LOC400499: variants seen among roughly 807,000 people sequenced by gnomAD.
At chr16:11,483,800 G>T in the LOC400499 span, among the ~76,000 whole-genome samples, 1 of 151,758 alleles carries the variant, frequency 6.6e-6, no homozygotes, top group East Asian at 2.0e-4. Flanking sequence ...GTTTGAGCCT[G>T]GGGGGCAAAG....
the LOC400499 span, among the ~76,000 whole-genome samples, chr16:11,422,153 C>A: frequency 6.6e-6 from 1 of 152,188 alleles, no homozygotes; most frequent in Non-Finnish European, 1.5e-5. Flanking sequence ...GTAATCCCAG[C>A]ACTTTGGGAG....
chr16:11,488,261 G>A, the LOC400499 span, among the ~76,000 whole-genome samples: 1 of 151,922 alleles, frequency 6.6e-6, no homozygotes, highest in African/African-American at 2.4e-5. Flanking sequence ...AAAATATAAG[G>A]TACAAACAGC....
At chr16:11,507,135 G>C in the LOC400499 span, among the ~76,000 whole-genome samples, 1 of 152,188 alleles carries the variant, frequency 6.6e-6, no homozygotes, top group East Asian at 1.9e-4. Context: ...TAGGTGGTCA[G>C]GGGTCCTCTT....
the LOC400499 span, among the ~76,000 whole-genome samples, chr16:11,474,928 T>A: frequency 1.4e-3 from 208 of 152,288 alleles, no homozygotes; most frequent in Non-Finnish European, 2.0e-3. Flanking sequence ...AAAATTAAGC[T>A]GGAAGCTGAG....
the LOC400499 span, among the ~76,000 whole-genome samples, chr16:11,438,900 G>C: frequency 2.6e-5 from 4 of 152,200 alleles, no homozygotes; most frequent in African/African-American, 7.2e-5. Context: ...TTTAAAACCA[G>C]CCTGGGCAAC....
chr16:11,515,761 A>AGGAAAAGGGAGGAGGAGGT, the LOC400499 span, among the ~76,000 whole-genome samples: 1 of 147,254 alleles, frequency 6.8e-6, no homozygotes, highest in Admixed American at 6.8e-5. Context: ...GAGGAGGAGG[A>AGGAAAAGGGAGGAGGAGGT]GAAAAAGGGA....
chr16:11,381,810 C>T, the LOC400499 span, among the ~76,000 whole-genome samples: 14 of 152,170 alleles, frequency 9.2e-5, no homozygotes, highest in African/African-American at 3.4e-4. Context: ...TCTTTCCACC[C>T]TCTTCCTTAG....
the LOC400499 span, among the ~76,000 whole-genome samples, chr16:11,445,099 A>T: frequency 6.6e-6 from 1 of 151,020 alleles, no homozygotes; most frequent in Admixed American, 6.6e-5. Flanking sequence ...TAAAAAAAAA[A>T]AAAAGAACTG....
At chr16:11,407,983 T>C in the LOC400499 span, among the ~76,000 whole-genome samples, 1 of 141,396 alleles carries the variant, frequency 7.1e-6, no homozygotes, top group Non-Finnish European at 1.5e-5. Context: ...TTTTTTTTTT[T>C]TTTTTTTTTT....
chr16:11,443,652 T>C, the LOC400499 span, among the ~76,000 whole-genome samples: 2 of 152,010 alleles, frequency 1.3e-5, no homozygotes, highest in African/African-American at 4.8e-5. Flanking sequence ...CAACGCTACA[T>C]TGTAATCGTC....
the LOC400499 span, among the ~76,000 whole-genome samples, chr16:11,373,131 A>G: frequency 6.6e-6 from 1 of 152,182 alleles, no homozygotes. Flanking sequence ...GATGCATCCA[A>G]CCCAAAGTGT....
chr16:11,470,178 G>A, the LOC400499 span, among the ~76,000 whole-genome samples: 29 of 152,282 alleles, frequency 1.9e-4, no homozygotes, highest in East Asian at 5.0e-3. Context: ...CTCCCAAACT[G>A]CTGGGATTAC....
chr16:11,476,268 A>G, the LOC400499 span, among the ~76,000 whole-genome samples: 1 of 151,988 alleles, frequency 6.6e-6, no homozygotes, highest in Non-Finnish European at 1.5e-5. Context: ...TAGGTGGGGC[A>G]GCCTGGATTC....
chr16:11,385,468 G>A, the LOC400499 span: 22 of 1,168,710 alleles, frequency 1.9e-5, no homozygotes, highest in East Asian at 2.9e-4. Flanking sequence ...TCCACCCACC[G>A]CAGTAGGAGC....
At chr16:11,515,890 AGCCTAGCCCAGCCCAGCCCAGCCT>A in the LOC400499 span, 13 of 16,790 alleles carry the variant, frequency 7.7e-4, no homozygotes, top group Admixed American at 2.9e-3. Flanking sequence ...AGCCCAGCCC[AGCCTAGCCCAGCCCAGCCCAGCCT>A]AGCCCAGCAC....
the LOC400499 span, among the ~76,000 whole-genome samples, chr16:11,423,734 G>A: frequency 1.3e-5 from 2 of 152,222 alleles, no homozygotes; most frequent in Non-Finnish European, 1.5e-5. Flanking sequence ...GACAGCTGCG[G>A]GTGTGAGGCT....
the LOC400499 span, among the ~76,000 whole-genome samples, chr16:11,373,602 GGA>G: frequency 6.6e-6 from 1 of 151,972 alleles, no homozygotes; most frequent in Non-Finnish European, 1.5e-5. Context: ...TGGGGTTACA[GGA>G]GCAAGCCACC....
At chr16:11,500,654 A>C in the LOC400499 span, 2 of 396,110 alleles carry the variant, frequency 5.0e-6, no homozygotes, top group Non-Finnish European at 8.9e-6. Flanking sequence ...TGAACCCGCC[A>C]CAGAAGCCCA....
chr16:11,427,213 A>T, the LOC400499 span, among the ~76,000 whole-genome samples: 2 of 151,820 alleles, frequency 1.3e-5, no homozygotes, highest in East Asian at 3.9e-4. Flanking sequence ...CAAAAAAAAA[A>T]TTAGCCAGAC....
Sources: gnomAD v4.1 joint callset for allele counts (sites outside exome capture counted in the v4.1 genomes callset) on GRCh38, gnomAD v4.1.1 for gene constraint, MANE v1.5 for transcripts.